Variants in EGFLAM observed in about 807,000 individuals in gnomAD.
The protein encoded by EGFLAM is EGF like, fibronectin type III and laminin G domains, also known as pikachurin.
A neutral mutation model predicts 113.1 loss-of-function variants in EGFLAM; 79 were observed. That is an observed-to-expected ratio of 0.70 (90% CI 0.58 to 0.84). The LOEUF (loss-of-function observed/expected upper bound fraction) is 0.84, where lower values mean the gene tolerates loss of function less well. Ranked by LOEUF, EGFLAM falls within the 40% of genes least tolerant of loss-of-function variation. The probability of loss-of-function intolerance (pLI) is 0.00; values close to 1 mark genes in which losing one functional copy is unlikely to be tolerated. For synonymous variants in EGFLAM, 504 were observed against 487.6 expected, an observed-to-expected ratio of 1.03 and a Z score of -0.44; for missense variants, 1,265 against 1,291.6, an observed-to-expected ratio of 0.98 and a Z score of 0.32.
rs77811358 is a variant in EGFLAM at position 38,367,930 on chromosome 5, T to C, written c.546-2366T>C. Among the ~76,000 whole-genome samples the C allele has an allele frequency of 1.4e-4, 22 of 152,346 alleles. No individual in the cohort carries two copies. The East Asian group carries it at 4.1e-3, about 28-fold the overall frequency. ...TCTATAGAATAAAAATAAATGCTAA[T>C]GATTTAATCTCTTGTTTGCTGGAAA... On this transcript the variant is annotated intron_variant, in intron 5 of 21. Coordinates refer to ENST00000322350, the MANE Select transcript of EGFLAM (RefSeq NM_152403.4).
chr5:38,334,355 G>T (rs754580305), intron 1 of EGFLAM, among the ~76,000 whole-genome samples: 4 of 152,200 alleles, frequency 2.6e-5, no homozygotes, highest in Non-Finnish European at 4.4e-5. Context: ...CTAAGACCAA[G>T]GCACCAACAG....
At chr5:38,454,628 C>G (rs1020974816) in intron 19 of EGFLAM, among the ~76,000 whole-genome samples, 1 of 152,156 alleles carries the variant, frequency 6.6e-6, no homozygotes, top group African/African-American at 2.4e-5. Flanking sequence ...TAATAAGTCA[C>G]GGGCCCTGCG....
chr5:38,404,411 C>G (rs1178164562), intron 6 of EGFLAM, among the ~76,000 whole-genome samples: 1 of 152,112 alleles, frequency 6.6e-6, no homozygotes, highest in Non-Finnish European at 1.5e-5. Flanking sequence ...CATCTGTGCC[C>G]TCATCAGATA....
rs114214895 is a variant in EGFLAM, at chr5:38,311,736, T to C, written c.98-25784T>C. ...CCAAGATATTTAACAAATCACAAAC[T>C]TGAAGTGAAGTTGGCAATCCTAGAG... On this transcript the variant is annotated intron_variant, in intron 1 of 21. Transcript: ENST00000322350. Among the ~76,000 whole-genome samples the C allele has an allele frequency of 4.3e-3, 647 of 152,130 alleles. 8 individuals are homozygous for C. Among genetic ancestry groups the C allele is most frequent in the Middle Eastern group, 0.017 (5 of 294 alleles).
At chr5:38,451,991 CAAA>C (rs531712895) in intron 19 of EGFLAM, among the ~76,000 whole-genome samples, 10 of 38,710 alleles carry the variant, frequency 2.6e-4, no homozygotes, top group African/African-American at 4.6e-4. Context: ...GACTCCATCT[CAAA>C]AAAAAAAAAA....
intron 1 of EGFLAM, among the ~76,000 whole-genome samples, chr5:38,304,825 A>G (rs1758684686): frequency 6.6e-6 from 1 of 152,226 alleles, no homozygotes; most frequent in South Asian, 2.1e-4. Context: ...AAACACACCA[A>G]AAAAACAGTA....
At chr5:38,353,020 G>A (rs900241750) in intron 5 of EGFLAM, among the ~76,000 whole-genome samples, 2 of 152,142 alleles carry the variant, frequency 1.3e-5, no homozygotes, top group African/African-American at 4.8e-5. Flanking sequence ...TAGGAGCAGG[G>A]GAAAAATCTT....
chr5:38,376,266 A>G lies in EGFLAM; in HGVS notation c.712+5804A>G, dbSNP rs1241653730. 1.9e-4 allele frequency among the ~76,000 whole-genome samples: 29 copies of G among 152,320 alleles called. 1 individual carries two copies. Among genetic ancestry groups the G allele is most frequent in the Non-Finnish European group, 4.0e-4 (27 of 68,040 alleles). ...CCAGTAAAAAGGACATGAATGGTAA[A>G]TAATAGAAATGGCAGAAGTAAAAAA... is the stretch of plus-strand genomic sequence containing the variant. On this transcript the variant is annotated intron_variant, in intron 6 of 21. Transcript: ENST00000322350.
At chr5:38,408,983 C>T in intron 9 of EGFLAM, 21 bp from the exon 10 acceptor site, 1 of 1,565,016 alleles carries the variant, frequency 6.4e-7, no homozygotes, top group Middle Eastern at 1.7e-4. Context: ...GTTCATGTGG[C>T]TTTTGTTTGT....
At chr5:38,459,790 A>AG (rs1743214004) in intron 20 of EGFLAM, among the ~76,000 whole-genome samples, 1 of 678 alleles carries the variant, frequency 1.5e-3, no homozygotes, top group African/African-American at 8.8e-3. Flanking sequence ...CTGGGCCCCC[A>AG]ACCCTGGCTG....
intron 2 of EGFLAM, 81 bp downstream of exon 2, chr5:38,337,710 A>G (rs926250256): frequency 8.4e-7 from 1 of 1,197,308 alleles, no homozygotes; most frequent in African/African-American, 1.5e-5. Flanking sequence ...TTTTCTAGAT[A>G]TCTGTCCTTC....
In EGFLAM at chr5:38,258,610, T is replaced by C. The variant is rs1040970671; in HGVS notation, c.-145T>C. ...CAGTCCTACCTCTTGGAACTACCCGTGTTTCCGGGCCCAGCCCTCGCAGCC... is the reference window on the plus strand; with the variant it reads ...CAGTCCTACCTCTTGGAACTACCCGCGTTTCCGGGCCCAGCCCTCGCAGCC... On this transcript the variant is annotated 5_prime_UTR_variant, in exon 1 of 22. Transcript: ENST00000322350. 4 of 887,396 alleles carry C rather than the reference T, an allele frequency of 4.5e-6. No homozygotes were observed. In the Admixed American group the frequency reaches 8.7e-5, roughly 19 times the overall value. The allele number at this position is 887,396 out of a possible 1,614,324, so 55.0% of individuals were successfully genotyped here.
intron 5 of EGFLAM, among the ~76,000 whole-genome samples, chr5:38,366,906 A>G (rs1412994573): frequency 6.6e-6 from 1 of 152,240 alleles, no homozygotes; most frequent in African/African-American, 2.4e-5. Context: ...GATTCTAACA[A>G]TGCCAATGGT....
At chr5:38,445,014 G>T (rs970196691) in intron 17 of EGFLAM, among the ~76,000 whole-genome samples, 6 of 152,138 alleles carry the variant, frequency 3.9e-5, no homozygotes, top group African/African-American at 1.4e-4. Flanking sequence ...GGGCTCAGTG[G>T]TCACTTCAAG....
chr5:38,325,349 T>G (rs1028606758), intron 1 of EGFLAM, among the ~76,000 whole-genome samples: 5 of 152,210 alleles, frequency 3.3e-5, no homozygotes, highest in African/African-American at 1.2e-4. Context: ...AGACACATAC[T>G]TACTACTGGT....
intron 5 of EGFLAM, among the ~76,000 whole-genome samples, chr5:38,367,331 T>A (rs1740089081): frequency 6.6e-6 from 1 of 151,602 alleles, no homozygotes. Context: ...AGGCTGGTCT[T>A]GAACTACTGG....
intron 18 of EGFLAM, 116 bp downstream of exon 18, chr5:38,448,495 C>T: frequency 9.6e-7 from 1 of 1,041,260 alleles, no homozygotes; most frequent in Non-Finnish European, 1.4e-6. Context: ...GAAGACCATT[C>T]AGCCATGGCC....
chr5:38,318,755 C>T (rs536581831), intron 1 of EGFLAM, among the ~76,000 whole-genome samples: 7 of 152,220 alleles, frequency 4.6e-5, no homozygotes, highest in South Asian at 2.1e-4. Flanking sequence ...CTACCCGCAT[C>T]GGCCTCCCAA....
chr5:38,326,334 C>A (rs1379102952), intron 1 of EGFLAM, among the ~76,000 whole-genome samples: 9 of 152,192 alleles, frequency 5.9e-5, no homozygotes, highest in Admixed American at 3.3e-4. Flanking sequence ...AGCTGATGAG[C>A]AGCAACCGAA....
Sources: allele counts gnomAD v4.1 joint callset (sites outside exome capture counted in the v4.1 genomes callset), GRCh38; gene constraint gnomAD v4.1.1; transcripts MANE v1.5; gene names NCBI Gene and HGNC (gene_info 2026-07-23, HGNC 2026-07-21).